DYSF: variants seen among roughly 807,000 people sequenced by gnomAD.
DYSF encodes the protein dysferlin, also known as dystrophy-associated fer-1-like 1.
A neutral mutation model predicts 274.9 loss-of-function variants in DYSF; 212 were observed. That is an observed-to-expected ratio of 0.77 (90% CI 0.69 to 0.86). The LOEUF (loss-of-function observed/expected upper bound fraction) is 0.86, where lower values mean the gene tolerates loss of function less well. Among genes scored for constraint, DYSF ranks in the 40% least tolerant of loss-of-function variants. DYSF has a pLI of 0.00. For synonymous variants in DYSF, 1,091 were observed against 1,078.7 expected, an observed-to-expected ratio of 1.01 and a Z score of -0.22; for missense variants, 2,666 against 2,783.2, an observed-to-expected ratio of 0.96 and a Z score of 0.95.
chr2:71,618,604 GGTGGGTGTGGT>G, intron 40 of DYSF, among the ~76,000 whole-genome samples: 1 of 26,426 alleles, frequency 3.8e-5, no homozygotes, highest in South Asian at 1.4e-3. Context: ...TGGTAGAGGT[GGTGGGTGTGGT>G]AGAGGTGGTG....
At chr2:71,633,678 A>G in intron 41 of DYSF, among the ~76,000 whole-genome samples, 1 of 152,204 alleles carries the variant, frequency 6.6e-6, no homozygotes, top group Admixed American at 6.5e-5. Context: ...GCTACTTAAA[A>G]TTATAAACAA....
At chr2:71,618,726 G>C (rs1013271904) in intron 40 of DYSF, among the ~76,000 whole-genome samples, 2 of 150,606 alleles carry the variant, frequency 1.3e-5, no homozygotes, top group Non-Finnish European at 3.0e-5. Context: ...TGGCAGAGGT[G>C]GGTGTGTATG....
At chr2:71,671,463 G>A (rs1011240550) in intron 51 of DYSF, among the ~76,000 whole-genome samples, 2 of 152,258 alleles carry the variant, frequency 1.3e-5, no homozygotes, top group Non-Finnish European at 2.9e-5. Flanking sequence ...GCCCCCCGTG[G>A]CACCCCCAGG....
chr2:71,560,886 A>G (rs1160739610), intron 22 of DYSF, among the ~76,000 whole-genome samples: 4 of 151,884 alleles, frequency 2.6e-5, no homozygotes, highest in African/African-American at 2.4e-5. Flanking sequence ...CAGCCCCCAT[A>G]CCCTCAGTGG....
intron 10 of DYSF, among the ~76,000 whole-genome samples, chr2:71,517,312 G>A (rs985939079): frequency 1.3e-5 from 2 of 152,196 alleles, no homozygotes; most frequent in African/African-American, 2.4e-5. Flanking sequence ...CCACTAAGAT[G>A]CTGCAAAGAC....
chr2:71,539,518 C>T (rs1303281935), intron 17 of DYSF, among the ~76,000 whole-genome samples: 1 of 152,234 alleles, frequency 6.6e-6, no homozygotes, highest in African/African-American at 2.4e-5. Flanking sequence ...TGCCATCCAT[C>T]AGGTCCTGCC....
chr2:71,543,728 G>A (rs1176905637), intron 17 of DYSF, among the ~76,000 whole-genome samples: 2 of 152,210 alleles, frequency 1.3e-5, no homozygotes, highest in Non-Finnish European at 2.9e-5. Context: ...CAGGCGTGGC[G>A]GCGCGCGCCT....
At position 71,453,798 on chromosome 2, in the gene DYSF, C is replaced by T. The variant is rs1016954015; in HGVS notation, c.-201C>T. 4.9e-6 allele frequency: 3 copies of T among 615,658 alleles called. No individual in the cohort carries two copies. In the South Asian group the frequency reaches 5.5e-5, roughly 11 times the overall value. 38.1% of individuals were successfully genotyped at this position (615,658 alleles called of 1,614,324 possible). On this transcript the variant is annotated 5_prime_UTR_variant, in exon 1 of 55. Coordinates refer to the DYSF transcript ENST00000258104. ...GGGTGAGCGCAGCCGGGGCGGGGAC[C>T]CAGCCTAGCCCACTGGAGCAGCCGG...
At chr2:71,579,616 A>G (rs2092821737) in intron 30 of DYSF, among the ~76,000 whole-genome samples, 2 of 152,202 alleles carry the variant, frequency 1.3e-5, no homozygotes, top group African/African-American at 2.4e-5. Context: ...GCGTCATCTC[A>G]TAGTGACCCC....
intron 33 of DYSF, among the ~76,000 whole-genome samples, chr2:71,600,012 G>A (rs1337850038): frequency 6.6e-6 from 1 of 152,192 alleles, no homozygotes; most frequent in Admixed American, 6.5e-5. Context: ...CGGAGCAGGA[G>A]GGAGGCAGGC....
intron 3 of DYSF, among the ~76,000 whole-genome samples, chr2:71,489,452 G>A (rs1467885878): frequency 6.6e-6 from 1 of 152,212 alleles, no homozygotes; most frequent in African/African-American, 2.4e-5. Context: ...ATTATGAGGA[G>A]ATATTTTAGG....
intron 45 of DYSF, 29 bp downstream of exon 45, chr2:71,660,680 TGGA>T: frequency 1.3e-6 from 2 of 1,590,770 alleles, no homozygotes; most frequent in Non-Finnish European, 1.7e-6. Flanking sequence ...GGTCTTGGGG[TGGA>T]GGAGCCAGAC....
At position 71,564,174 on chromosome 2, in the gene DYSF, T is replaced by G; in HGVS notation, c.2526T>G (p.Cys842Trp). The G allele has an allele frequency of 1.2e-6, 2 of 1,614,260 alleles. No homozygotes were observed. Among genetic ancestry groups the G allele is most frequent in the Non-Finnish European group, 1.7e-6 (2 of 1,180,042 alleles). Reference sequence around the variant, plus strand: ...TCTCCCGGCGGGGTGCCAACTACTGTGGCAAGAATTGTGGGAAGCTACAGA... The same window carrying G: ...TCTCCCGGCGGGGTGCCAACTACTGGGGCAAGAATTGTGGGAAGCTACAGA... The part of the protein sequence containing the change: ...VLFSRRGANY[C>W]GKNCGKLQTI... Residue 842 changes from cysteine (C) to tryptophan (W), a missense_variant, in exon 24 of 56, where the codon TGT (cysteine) becomes TGG (tryptophan). Around this residue, in one of 3 missense-constraint regions of DYSF, gnomAD observed 412 missense variants for 504.0 expected, o/e 0.82. Coordinates refer to ENST00000410020, the MANE Select transcript of DYSF (RefSeq NM_001130987.2).
chr2:71,608,265 CG>C, intron 36 of DYSF, among the ~76,000 whole-genome samples: 1 of 142,252 alleles, frequency 7.0e-6, no homozygotes, highest in South Asian at 2.1e-4. Flanking sequence ...GAGGAGGGCG[CG>C]GGTGGATTTG....
intron 5 of DYSF, among the ~76,000 whole-genome samples, chr2:71,512,956 G>A (rs576451391): frequency 1.5e-4 from 23 of 152,294 alleles, no homozygotes; most frequent in African/African-American, 4.8e-4. Context: ...AGAGGTGCCC[G>A]TGGTGGCAGA....
Position 71,662,609 on chromosome 2 carries a change from GTGTC to G in DYSF, c.5004-1655_5004-1652del, listed in dbSNP as rs372405530. On this transcript the variant is annotated intron_variant, in intron 45 of 55. Coordinates refer to ENST00000410020, the MANE Select transcript of DYSF (RefSeq NM_001130987.2). ...TGTGTGTAGGTGTATGCGTCTGTGTGTGTCTGTGTGTCTGTGTGGCATGTGTGTA... is the reference window on the plus strand; with the variant it reads ...TGTGTGTAGGTGTATGCGTCTGTGTGTGTGTGTCTGTGTGGCATGTGTGTA... 4.1e-3 allele frequency among the ~76,000 whole-genome samples: 558 copies of G among 137,468 alleles called. 4 individuals are homozygous for G. The highest frequency in any genetic ancestry group is 0.015 in the African/African-American group (519 of 35,546). The allele number at this position is 137,468 out of a possible 152,430, so 90.2% of individuals were successfully genotyped here. A position where few individuals can be genotyped will look rare whatever the true frequency, so the allele number is the denominator to read the frequency against.
At chr2:71,589,984 T>G (rs1278527498) in intron 31 of DYSF, among the ~76,000 whole-genome samples, 1 of 152,110 alleles carries the variant, frequency 6.6e-6, no homozygotes, top group African/African-American at 2.4e-5. Flanking sequence ...TTCCTCTATC[T>G]CTTCTCCCCA....
intron 24 of DYSF, among the ~76,000 whole-genome samples, chr2:71,566,709 A>C (rs1247450095): frequency 2.0e-5 from 3 of 152,184 alleles, no homozygotes; most frequent in Admixed American, 6.5e-5. Context: ...GGGTAAAGGC[A>C]GTTAACCACC....
At chr2:71,653,666 G>A (rs1402911422) in intron 42 of DYSF, among the ~76,000 whole-genome samples, 53 of 108,840 alleles carry the variant, frequency 4.9e-4, no homozygotes, top group Middle Eastern at 7.2e-3. Flanking sequence ...GTTGTGGGGT[G>A]GGGGGAGGGG....
Sources: gnomAD v4.1 joint callset for allele counts (sites outside exome capture counted in the v4.1 genomes callset) on GRCh38, gnomAD v4.1.1 for gene constraint, gnomAD v4.1.1 regional missense constraint, MANE v1.5 for transcripts, NCBI Gene and HGNC (gene_info 2026-07-23, HGNC 2026-07-21) for gene names.